Variants in UGGT2 observed in about 807,000 individuals in gnomAD.
UGGT2 encodes UDP-glucose:glycoprotein glucosyltransferase 2.
UGGT2 carries 180 observed loss-of-function variants against 192.1 expected under a neutral mutation model. The ratio of observed to expected loss-of-function variants is 0.94; its 90% confidence interval spans 0.83 to 1.06. The LOEUF is 1.06. Among genes scored for constraint, UGGT2 ranks in the 50% least tolerant of loss-of-function variants. The pLI is 0.00. For missense variants in UGGT2, 1,849 were observed against 1,795.7 expected (o/e 1.03, Z -0.54); for synonymous variants, 580 against 591.0 (o/e 0.98, Z 0.27).
At chr13:95,900,766 A>G (rs767710741) in intron 22 of UGGT2, 41 bp downstream of exon 22, 7 of 1,585,968 alleles carry the variant, frequency 4.4e-6, no homozygotes, top group East Asian at 2.3e-5. Flanking sequence ...AGTGCACTGC[A>G]GTGTCACTGA....
At position 95,884,573 on chromosome 13, in the gene UGGT2, A is replaced by G. The variant is rs1448165032; in HGVS notation, c.3146T>C (p.Ile1049Thr). 1.9e-6 allele frequency: 3 copies of G among 1,613,996 alleles called. No homozygotes were observed. The Admixed American group carries it at 5.0e-5, about 27-fold the overall frequency. The change falls in exon 27 of 39, where the codon ATC becomes ACC. Residue 1049 changes from isoleucine (I) to threonine (T), a missense_variant. Physicochemically the swap from Ile to Thr is moderately conservative, Grantham distance 89. Coordinates refer to ENST00000376747, the MANE Select transcript of UGGT2 (RefSeq NM_020121.4). ...FLDIPESPLLILNMITPEGWL... is the reference protein window; with the variant it reads ...FLDIPESPLLTLNMITPEGWL... The stretch of plus-strand genomic sequence containing the variant: ...GCCTTCTGGAGTAATCATGTTGAGG[A>G]TTAGGAGGGGTGATTCAGGAATATC...
At chr13:95,802,782 A>C (rs2139718063) in intron 38 of UGGT2, among the ~76,000 whole-genome samples, 1 of 152,200 alleles carries the variant, frequency 6.6e-6, no homozygotes, top group African/African-American at 2.4e-5. Flanking sequence ...AATCCAAAAG[A>C]GAAACTGACA....
intron 20 of UGGT2, among the ~76,000 whole-genome samples, chr13:95,915,473 C>T (rs995734535): frequency 1.3e-5 from 2 of 152,170 alleles, no homozygotes; most frequent in Admixed American, 1.3e-4. Flanking sequence ...ACTAATATAT[C>T]CCCAGAAGGG....
chr13:95,810,713 G>A (rs1884537899), intron 38 of UGGT2, among the ~76,000 whole-genome samples: 1 of 152,072 alleles, frequency 6.6e-6, no homozygotes, highest in South Asian at 2.1e-4. Flanking sequence ...AGGGTCAAAT[G>A]TAGTTTCTTA....
chr13:95,860,813 C>A lies in UGGT2; in HGVS notation c.3715G>T (p.Gly1239Cys). 6.4e-7 allele frequency: 1 copy of A among 1,552,084 alleles called. No homozygotes were observed. The highest frequency in any genetic ancestry group is 1.4e-5 in the African/African-American group (1 of 72,486). Residue 1239 changes from glycine to cysteine, a missense_variant, in exon 32 of 39, where the codon GGT becomes TGT. Gly to Cys is a radical substitution (Grantham distance 159). Coordinates refer to ENST00000376747, the MANE Select transcript of UGGT2 (RefSeq NM_020121.4). The stretch of plus-strand genomic sequence containing the variant: ...CTTAAAAAACGTTCATATAAATGAC[C>A]AGAAGCAACTGAAAAAATGTTTAGG... ...DVLNIFSVAS[G>C]HLYERFLRIM...
chr13:96,018,750 CA>C (rs202126022), intron 4 of UGGT2, among the ~76,000 whole-genome samples: 4 of 134,072 alleles, frequency 3.0e-5, no homozygotes, highest in Admixed American at 7.4e-5. Context: ...AAAAAAAAAA[CA>C]AAAAAAACAC....
chr13:95,987,994 G>C (rs925876489), intron 8 of UGGT2, among the ~76,000 whole-genome samples: 1 of 152,058 alleles, frequency 6.6e-6, no homozygotes, highest in African/African-American at 2.4e-5. Context: ...GAGTGGAATA[G>C]TTACTACCCA....
intron 10 of UGGT2, among the ~76,000 whole-genome samples, chr13:95,973,021 T>G (rs1194029182): frequency 6.6e-6 from 1 of 152,058 alleles, no homozygotes; most frequent in Non-Finnish European, 1.5e-5. Flanking sequence ...ACACAAAAAA[T>G]TAGCTGGGCG....
In UGGT2 at chr13:95,920,596, A is replaced by T. The variant is rs570233436; in HGVS notation, c.2295+5084T>A. On this transcript the variant is annotated intron_variant, in intron 20 of 38. Transcript: ENST00000376747. Reference sequence around the variant, plus strand: ...CAAAAAATATGGGGAAAAAAGCTCCACATCACTGATCATTAAAGAAATGCA... The same window carrying T: ...CAAAAAATATGGGGAAAAAAGCTCCTCATCACTGATCATTAAAGAAATGCA... Among the ~76,000 whole-genome samples the T allele has an allele frequency of 5.9e-5, 9 of 152,358 alleles. No individual in the cohort carries two copies. In the South Asian group the frequency reaches 1.9e-3, roughly 32 times the overall value.
chr13:95,955,007 G>A (rs181783858), intron 12 of UGGT2, among the ~76,000 whole-genome samples: 14 of 152,276 alleles, frequency 9.2e-5, no homozygotes, highest in Admixed American at 5.9e-4. Context: ...GTCTATGCCC[G>A]ATGTCTTACA....
Position 96,023,736 on chromosome 13 carries a change from A to C in UGGT2, c.265T>G (p.Leu89Val). 6.2e-7 allele frequency: 1 copy of C among 1,603,520 alleles called. No individual in the cohort carries two copies. The highest frequency in any genetic ancestry group is 8.5e-7 in the Non-Finnish European group (1 of 1,173,376). The change falls in exon 3 of 39, where the codon TTA (leucine) becomes GTA (valine). Residue 89 changes from leucine (L) to valine (V), a missense_variant. Physicochemically the swap from Leu to Val is conservative, Grantham distance 32. Transcript: ENST00000376747. ...QTESDYSYYN[L>V]ILKKAGQFLD... The stretch of plus-strand genomic sequence containing the variant: ...AACTGTCCAGCTTTCTTCAGGATTA[A>C]GTTGTAATAAGAATAATCTGATTCT...
intron 15 of UGGT2, among the ~76,000 whole-genome samples, chr13:95,946,736 T>C (rs2049883997): frequency 6.6e-6 from 1 of 152,248 alleles, no homozygotes; most frequent in African/African-American, 2.4e-5. Flanking sequence ...TTTCTATTAA[T>C]ATGTTTTCCT....
intron 20 of UGGT2, among the ~76,000 whole-genome samples, chr13:95,904,424 C>T (rs1194871872): frequency 1.3e-5 from 2 of 148,750 alleles, no homozygotes; most frequent in Non-Finnish European, 3.0e-5. Flanking sequence ...AGGTATATCT[C>T]CTAATGCTAT....
intron 38 of UGGT2, among the ~76,000 whole-genome samples, chr13:95,826,923 C>G (rs1886107948): frequency 6.6e-6 from 1 of 151,842 alleles, no homozygotes; most frequent in Non-Finnish European, 1.5e-5. Context: ...GAAAGGCTAG[C>G]CTTACTTGAT....
intron 37 of UGGT2, 84 bp from the exon 38 acceptor site, chr13:95,833,137 A>C: frequency 6.9e-7 from 1 of 1,457,016 alleles, no homozygotes; most frequent in Non-Finnish European, 9.2e-7. Context: ...GGCAAACAAA[A>C]TACATTTTAT....
chr13:95,887,187 T>G, intron 26 of UGGT2: 1 of 415,448 alleles, frequency 2.4e-6, no homozygotes, highest in Non-Finnish European at 4.9e-6. Flanking sequence ...TGCATACATT[T>G]TTTGTTTAGA....
chr13:95,809,116 T>C (rs1448857266), intron 38 of UGGT2, among the ~76,000 whole-genome samples: 18 of 152,202 alleles, frequency 1.2e-4, no homozygotes, highest in Admixed American at 1.2e-3. Context: ...AATAAACTGG[T>C]GAATGATTTA....
chr13:95,809,297 A>G, intron 38 of UGGT2: 1 of 511,544 alleles, frequency 2.0e-6, no homozygotes, highest in South Asian at 1.4e-5. Context: ...AAGACATGGT[A>G]TAGGATATTA....
At chr13:95,873,890 T>C (rs11616658) in intron 29 of UGGT2, among the ~76,000 whole-genome samples, 55,446 of 151,860 alleles carry the variant, frequency 0.37, 10,537 homozygotes, top group Non-Finnish European at 0.42. Context: ...ATAAACAAGT[T>C]TCCTGTGTGA....
Sources: allele counts gnomAD v4.1 joint callset (sites outside exome capture counted in the v4.1 genomes callset), GRCh38; gene constraint gnomAD v4.1.1; transcripts MANE v1.5; gene names NCBI Gene and HGNC (gene_info 2026-07-23, HGNC 2026-07-21).